Variants in EDA observed in about 807,000 individuals in gnomAD.
EDA encodes the protein ectodysplasin-A.
Under a neutral mutation model 23.6 loss-of-function variants are expected in EDA, and 2 were observed. That is an observed-to-expected ratio of 0.08 (90% CI 0.03 to 0.27). The LOEUF (loss-of-function observed/expected upper bound fraction) is 0.27, where lower values mean the gene tolerates loss of function less well. Ranked by LOEUF, EDA falls within the 10% of genes least tolerant of loss-of-function variation. The pLI is 1.00. For missense variants in EDA, 229 were observed against 324.2 expected (o/e 0.71, Z 2.26); for synonymous variants, 131 against 132.0 (o/e 0.99, Z 0.05).
intron 1 of EDA, among the ~76,000 whole-genome samples, chrX:69,806,516 C>T (rs1328772358): frequency 9.0e-6 from 1 of 111,120 alleles, no homozygotes; most frequent in Admixed American, 9.6e-5. Flanking sequence ...TAGAGATACA[C>T]TGATGTGGGG....
At chrX:69,639,504 C>T (rs946753209) in intron 1 of EDA, among the ~76,000 whole-genome samples, 1 of 111,757 alleles carries the variant, frequency 8.9e-6, no homozygotes, top group Non-Finnish European at 1.9e-5. Context: ...ATTGGCATTG[C>T]CCTAAAAACT....
intron 2 of EDA, among the ~76,000 whole-genome samples, chrX:69,995,081 A>G (rs2019637679): frequency 8.9e-6 from 1 of 112,199 alleles, no homozygotes. Flanking sequence ...ACACATGTCA[A>G]AAATCCTATA....
intron 2 of EDA, among the ~76,000 whole-genome samples, chrX:69,971,209 C>T (rs774524476): frequency 1.8e-5 from 2 of 111,876 alleles, no homozygotes; most frequent in Non-Finnish European, 3.8e-5. Flanking sequence ...ACTCACTCGT[C>T]CTCTAATTTG....
chrX:69,843,249 T>C (rs1281911374), intron 1 of EDA, among the ~76,000 whole-genome samples: 1 of 112,347 alleles, frequency 8.9e-6, no homozygotes, highest in Non-Finnish European at 1.9e-5. Context: ...TACATTTAAT[T>C]GTATATTTGA....
At chrX:69,753,220 A>G (rs1350242969) in intron 1 of EDA, among the ~76,000 whole-genome samples, 1 of 111,877 alleles carries the variant, frequency 8.9e-6, no homozygotes, top group African/African-American at 3.3e-5. Context: ...ATTTAGTGCT[A>G]TGAATTTCCC....
intron 1 of EDA, among the ~76,000 whole-genome samples, chrX:69,826,295 G>A (rs2016432399): frequency 9.0e-6 from 1 of 110,637 alleles, no homozygotes; most frequent in Non-Finnish European, 1.9e-5. Context: ...TGTTGACAGT[G>A]GGGTATTAAA....
In EDA at chrX:69,957,024, C is replaced by T; in HGVS notation, c.397-3C>T. ...TTGACTAATGTACTTGTAATTTTTA[C>T]AGATGGCCCTATTGAATTTCTTCTT... On this transcript the variant is annotated splice_region_variant and splice_polypyrimidine_tract_variant and intron_variant, in intron 1 of 7. Transcript: ENST00000374552. 8.3e-7 allele frequency: 1 copy of T among 1,207,301 alleles called. No individual in the cohort carries two copies. The highest frequency in any genetic ancestry group is 1.1e-6 in the Non-Finnish European group (1 of 891,783).
chrX:69,733,512 G>A (rs773336021), intron 1 of EDA, among the ~76,000 whole-genome samples: 1 of 112,183 alleles, frequency 8.9e-6, no homozygotes, highest in East Asian at 2.8e-4. Context: ...TGGCCTTGTA[G>A]TATAGTTTGA....
At chrX:69,900,121 T>G (rs2034603803) in intron 1 of EDA, among the ~76,000 whole-genome samples, 1 of 110,929 alleles carries the variant, frequency 9.0e-6, no homozygotes, top group African/African-American at 3.3e-5. Flanking sequence ...ATTATGTTAG[T>G]GTTTGATGCT....
intron 1 of EDA, among the ~76,000 whole-genome samples, chrX:69,699,544 G>C (rs1272567441): frequency 9.0e-6 from 1 of 111,444 alleles, no homozygotes; most frequent in African/African-American, 3.3e-5. Context: ...GGCATGGAGA[G>C]ATGGTTTTAT....
rs1433655422 is a variant in EDA, at chrX:69,775,014, A to C, written c.396+158310A>C. 2.7e-5 allele frequency among the ~76,000 whole-genome samples: 3 copies of C among 111,760 alleles called. No homozygotes were observed. The Admixed American group carries it at 2.9e-4, about 11-fold the overall frequency. ...TCCTAGTTCTCCCAAGTAAAATATT[A>C]TGGGTCAATTATTGATGAACCTTTA... On this transcript the variant is annotated intron_variant, in intron 1 of 7. Coordinates refer to ENST00000374552, the MANE Select transcript of EDA (RefSeq NM_001399.5).
At chrX:69,722,830 A>G in intron 1 of EDA, among the ~76,000 whole-genome samples, 1 of 111,946 alleles carries the variant, frequency 8.9e-6, no homozygotes, top group African/African-American at 3.2e-5. Context: ...TCATCTATAA[A>G]ATGGAAACAA....
At chrX:69,765,850 T>C (rs2014454095) in intron 1 of EDA, among the ~76,000 whole-genome samples, 1 of 111,524 alleles carries the variant, frequency 9.0e-6, no homozygotes, top group African/African-American at 3.3e-5. Flanking sequence ...TCTTGCTATC[T>C]ACCCCTTTAG....
chrX:69,993,136 T>TA (rs1041855504), intron 2 of EDA, among the ~76,000 whole-genome samples: 11 of 108,935 alleles, frequency 1.0e-4, no homozygotes, highest in Non-Finnish European at 2.1e-4. Flanking sequence ...CTCTGAAGTT[T>TA]AAAAAAACCC....
intron 1 of EDA, among the ~76,000 whole-genome samples, chrX:69,865,228 G>A (rs894097356): frequency 1.8e-5 from 2 of 110,038 alleles, no homozygotes; most frequent in African/African-American, 3.3e-5. Flanking sequence ...AATGAATAAA[G>A]CCTCTGTATT....
At chrX:69,649,524 T>C (rs973332429) in intron 1 of EDA, among the ~76,000 whole-genome samples, 9 of 111,473 alleles carry the variant, frequency 8.1e-5, no homozygotes, top group African/African-American at 2.9e-4. Flanking sequence ...TTAAATGCTA[T>C]AAAATAAGCA....
intron 1 of EDA, among the ~76,000 whole-genome samples, chrX:69,703,073 G>T (rs1054200076): frequency 9.0e-6 from 1 of 110,606 alleles, no homozygotes; most frequent in Non-Finnish European, 1.9e-5. Context: ...TTGCATGGCC[G>T]TAGGGAGACG....
intron 1 of EDA, among the ~76,000 whole-genome samples, chrX:69,952,374 G>A (rs1055602343): frequency 7.2e-5 from 8 of 111,641 alleles, no homozygotes; most frequent in African/African-American, 2.6e-4. Context: ...TACATGGATG[G>A]CAGCAGGCGA....
Position 70,035,809 on chromosome X carries a change from A to G in EDA, c.*200A>G. ...CAGAATGACCTTGAGTTAACAGGACAGTTGATGGAGCCCCAGGGTTTACAT... is the reference window on the plus strand; with the variant it reads ...CAGAATGACCTTGAGTTAACAGGACGGTTGATGGAGCCCCAGGGTTTACAT... On this transcript the variant is annotated 3_prime_UTR_variant, in exon 8 of 8. Coordinates refer to ENST00000374552, the MANE Select transcript of EDA (RefSeq NM_001399.5). 1 of 469,803 alleles carries G rather than the reference A, an allele frequency of 2.1e-6. No homozygotes were observed. Among genetic ancestry groups the G allele is most frequent in the Non-Finnish European group, 3.6e-6 (1 of 278,647 alleles). 38.7% of individuals were successfully genotyped at this position (469,803 alleles called of 1,213,427 possible). A position where few individuals can be genotyped will look rare whatever the true frequency, so the allele number is the denominator to read the frequency against.
Sources: allele counts gnomAD v4.1 joint callset (sites outside exome capture counted in the v4.1 genomes callset), GRCh38; gene constraint gnomAD v4.1.1; transcripts MANE v1.5; gene names NCBI Gene and HGNC (gene_info 2026-07-23, HGNC 2026-07-21).